ELAVL4: variants seen among roughly 807,000 people sequenced by gnomAD.
ELAVL4 encodes the protein ELAV-like protein 4.
ELAVL4 carries 1 observed loss-of-function variant against 35.6 expected under a neutral mutation model. The ratio of observed to expected loss-of-function variants is 0.03; its 90% confidence interval spans 0.01 to 0.13. ELAVL4 has a LOEUF of 0.13. Among genes scored for constraint, ELAVL4 ranks in the 10% least tolerant of loss-of-function variants. The pLI, the probability that ELAVL4 is intolerant of heterozygous loss-of-function variation, is 1.00. For synonymous variants in ELAVL4, 156 were observed against 171.0 expected (o/e 0.91, Z 0.69); for missense variants, 267 against 464.9 (o/e 0.57, Z 3.91).
At chr1:50,078,009 GTTACTAACT>G (rs2148493316) in intron 1 of ELAVL4, among the ~76,000 whole-genome samples, 1 of 152,150 alleles carries the variant, frequency 6.6e-6, no homozygotes, top group East Asian at 1.9e-4. Flanking sequence ...TTGGGAGCAA[GTTACTAACT>G]TCTCTGTCCC....
intron 1 of ELAVL4, among the ~76,000 whole-genome samples, chr1:50,058,981 G>A (rs1663824653): frequency 6.6e-6 from 1 of 152,014 alleles, no homozygotes; most frequent in Admixed American, 6.6e-5. Flanking sequence ...TTTACCCAGT[G>A]GCCCTAGGCA....
At chr1:50,063,185 G>A (rs982026568) in intron 1 of ELAVL4, among the ~76,000 whole-genome samples, 1 of 151,910 alleles carries the variant, frequency 6.6e-6, no homozygotes, top group African/African-American at 2.4e-5. Flanking sequence ...GTATCTCTCT[G>A]GACATCCTCG....
upstream of ELAVL4, chr1:50,103,976 A>C: frequency 6.2e-7 from 1 of 1,614,010 alleles, no homozygotes; most frequent in Middle Eastern, 1.6e-4. Context: ...ACTGAAAATG[A>C]GCCGGCTACA....
intron 1 of ELAVL4, among the ~76,000 whole-genome samples, chr1:50,079,614 A>G (rs1664921592): frequency 6.6e-6 from 1 of 152,188 alleles, no homozygotes; most frequent in South Asian, 2.1e-4. Flanking sequence ...AGGGTTGTCT[A>G]AACTAAAGTT....
At chr1:50,196,395 G>A (rs913182931) in intron 5 of ELAVL4, among the ~76,000 whole-genome samples, 1 of 152,162 alleles carries the variant, frequency 6.6e-6, no homozygotes, top group Non-Finnish European at 1.5e-5. Context: ...CCCTTCTCCT[G>A]GGACTTTTCT....
chr1:50,170,134 A>G (rs1237060248), intron 2 of ELAVL4, among the ~76,000 whole-genome samples: 2 of 152,236 alleles, frequency 1.3e-5, no homozygotes, highest in Non-Finnish European at 2.9e-5. Flanking sequence ...TAACATTCAC[A>G]TAGACCACAG....
chr1:50,073,426 T>G lies in ELAVL4; in HGVS notation c.18+25244T>G, dbSNP rs554628195. Among the ~76,000 whole-genome samples, 33 of 152,176 alleles carry G rather than the reference T, an allele frequency of 2.2e-4. 1 individual carries two copies. Among genetic ancestry groups the G allele is most frequent in the Admixed American group, 1.7e-3 (26 of 15,190 alleles). On this transcript the variant is annotated intron_variant, in intron 1 of 6. Coordinates refer to the ELAVL4 transcript ENST00000448907. ...AATCTCTAATACAGGCAAAAATGCT[T>G]CATTGATTTTTTTTTTAAAGCAAAG...
chr1:50,193,680 G>T, intron 3 of ELAVL4, 85 bp from the exon 4 acceptor site: 1 of 1,465,600 alleles, frequency 6.8e-7, no homozygotes, highest in African/African-American at 1.4e-5. Context: ...CGGTAGATGA[G>T]GGGCTGTCAT....
intron 3 of ELAVL4, among the ~76,000 whole-genome samples, chr1:50,183,931 CA>C (rs1311683556): frequency 6.6e-6 from 1 of 152,158 alleles, no homozygotes; most frequent in Non-Finnish European, 1.5e-5. Flanking sequence ...TCTCCTCCTC[CA>C]TTACCGCTAG....
intron 1 of ELAVL4, among the ~76,000 whole-genome samples, chr1:50,137,512 A>AAGGGAAGGAAGGAAGG (rs1672084952): frequency 6.6e-6 from 1 of 152,070 alleles, no homozygotes; most frequent in Non-Finnish European, 1.5e-5. Context: ...AGTCAAAAAA[A>AAGGGAAGGAAGGAAGG]AGGGAAGGAA....
chr1:50,202,741 G>A lies in ELAVL4; in HGVS notation c.*1563G>A, dbSNP rs879704180. 6.6e-6 allele frequency: 1 copy of A among 151,938 alleles called. No individual in the cohort carries two copies. Among genetic ancestry groups the A allele is most frequent in the Non-Finnish European group, 1.5e-5 (1 of 67,936 alleles). 9.4% of individuals were successfully genotyped at this position (151,938 alleles called of 1,614,324 possible). The stretch of plus-strand genomic sequence containing the variant: ...TAAGTTGTAACACTTGGCTAGTTTT[G>A]TTTGTATATGTCTTAAAATGTTTTC... On this transcript the variant is annotated 3_prime_UTR_variant, in exon 7 of 7. Transcript: ENST00000371824.
chr1:50,135,199 G>C (rs1353172513), intron 1 of ELAVL4, among the ~76,000 whole-genome samples: 1 of 151,924 alleles, frequency 6.6e-6, no homozygotes, highest in African/African-American at 2.4e-5. Flanking sequence ...TTGAAAGAAG[G>C]GATGCCTCAC....
Position 50,049,104 on chromosome 1 carries a change from T to C in ELAVL4, c.18+922T>C, listed in dbSNP as rs187372866. 1.3e-3 allele frequency among the ~76,000 whole-genome samples: 198 copies of C among 152,302 alleles called. 1 individual carries two copies. The highest frequency in any genetic ancestry group is 4.5e-3 in the African/African-American group (189 of 41,562). On this transcript the variant is annotated intron_variant, in intron 1 of 6. Coordinates refer to the ELAVL4 transcript ENST00000448907. ...TGAGTCATATTGATTCCCAAGCTGTTAGCCAATACCACTCAAGGGTAATAA... is the reference window on the plus strand; with the variant it reads ...TGAGTCATATTGATTCCCAAGCTGTCAGCCAATACCACTCAAGGGTAATAA...
At chr1:50,165,405 A>G (rs1677572942) in intron 2 of ELAVL4, among the ~76,000 whole-genome samples, 1 of 151,412 alleles carries the variant, frequency 6.6e-6, no homozygotes, top group African/African-American at 2.4e-5. Flanking sequence ...AGGGTTCTCT[A>G]GAAGGACAAG....
In ELAVL4 at chr1:50,177,200, G is replaced by A; in HGVS notation, c.354+8G>A. The stretch of plus-strand genomic sequence containing the variant: ...CAGACCAAAACCATAAAGGTAAGAG[G>A]TGATGTGCTGGCTCCTGATTCAGGA... On this transcript the variant is annotated splice_region_variant and intron_variant, in intron 3 of 6. Coordinates refer to ENST00000371824, the MANE Select transcript of ELAVL4 (RefSeq NM_001144774.3). 2 of 1,604,986 alleles carry A rather than the reference G, an allele frequency of 1.2e-6. No individual in the cohort carries two copies. Among genetic ancestry groups the A allele is most frequent in the East Asian group, 2.2e-5 (1 of 44,762 alleles).
intron 1 of ELAVL4, among the ~76,000 whole-genome samples, chr1:50,058,188 C>T (rs563108890): frequency 6.6e-6 from 1 of 152,260 alleles, no homozygotes; most frequent in Admixed American, 6.5e-5. Context: ...GGACCATGAT[C>T]TGCTTTTATA....
At chr1:50,164,019 G>C (rs539880685) in intron 2 of ELAVL4, among the ~76,000 whole-genome samples, 1 of 152,160 alleles carries the variant, frequency 6.6e-6, no homozygotes, top group South Asian at 2.1e-4. Flanking sequence ...CCTCTGGGCC[G>C]TAATGGGCCT....
At chr1:50,077,586 C>T (rs529098622) in intron 1 of ELAVL4, among the ~76,000 whole-genome samples, 5 of 152,304 alleles carry the variant, frequency 3.3e-5, no homozygotes, top group African/African-American at 1.2e-4. Context: ...ACCTCACAGA[C>T]ATATCTAAAT....
chr1:50,114,394 A>G (rs2494874), intron 1 of ELAVL4, among the ~76,000 whole-genome samples: 2,990 of 152,088 alleles, frequency 0.02, 40 homozygotes, highest in Non-Finnish European at 0.03. Flanking sequence ...ACATCCTTAT[A>G]TTTGTGAAAT....
Sources: allele counts gnomAD v4.1 joint callset (sites outside exome capture counted in the v4.1 genomes callset), GRCh38; gene constraint gnomAD v4.1.1; transcripts MANE v1.5; gene names NCBI Gene and HGNC (gene_info 2026-07-23, HGNC 2026-07-21).